Variants in KCNK9 observed in about 807,000 individuals in gnomAD.
KCNK9 encodes potassium channel subfamily K member 9.
Under a neutral mutation model 10.8 loss-of-function variants are expected in KCNK9, and 1 was observed. The observed-to-expected ratio is 0.09, with a 90% CI of 0.03 to 0.44. KCNK9 has a LOEUF of 0.44. Among genes scored for constraint, KCNK9 ranks in the 20% least tolerant of loss-of-function variants. The pLI is 0.97. For synonymous variants in KCNK9, 231 were observed against 222.7 expected, an observed-to-expected ratio of 1.04 and a Z score of -0.33; for missense variants, 303 against 515.0, an observed-to-expected ratio of 0.59 and a Z score of 3.98.
chr8:139,681,536 AC>A (rs752691631), intron 1 of KCNK9, among the ~76,000 whole-genome samples: 2 of 152,168 alleles, frequency 1.3e-5, no homozygotes, highest in Non-Finnish European at 2.9e-5. Flanking sequence ...TTTGAACTTG[AC>A]CCGGCAGACT....
At chr8:139,681,874 A>G (rs1372156484) in intron 1 of KCNK9, among the ~76,000 whole-genome samples, 2 of 152,236 alleles carry the variant, frequency 1.3e-5, no homozygotes, top group African/African-American at 4.8e-5. Context: ...AGTCACAGCC[A>G]TGCCTGGAGC....
At position 139,618,092 on chromosome 8, in the gene KCNK9, G is replaced by A; in HGVS notation, c.*166C>T. The A allele has an allele frequency of 1.1e-6, 1 of 951,504 alleles. No homozygotes were observed. Among genetic ancestry groups the A allele is most frequent in the Non-Finnish European group, 1.6e-6 (1 of 642,682 alleles). 58.9% of individuals were successfully genotyped at this position (951,504 alleles called of 1,614,324 possible). A position where few individuals can be genotyped will look rare whatever the true frequency, so the allele number is the denominator to read the frequency against. On this transcript the variant is annotated 3_prime_UTR_variant, in exon 2 of 2. Coordinates refer to ENST00000520439, the MANE Select transcript of KCNK9 (RefSeq NM_001282534.2). This position sits in a 1 kb window ranked among gnomAD's most constrained non-coding sequence, Gnocchi z 7.9. Reference sequence around the variant, plus strand: ...CCCTTTGGCCTGCTCTGTCTGGCTGGAAAGGTGGGGGAAAATGAGACCAAG... The same window carrying A: ...CCCTTTGGCCTGCTCTGTCTGGCTGAAAAGGTGGGGGAAAATGAGACCAAG...
At chr8:139,600,910 C>T (rs2130066774), downstream of KCNK9, 1 of 152,296 alleles carries the variant, frequency 6.6e-6, no homozygotes, top group Non-Finnish European at 1.5e-5. Flanking sequence ...CTTTGACTCA[C>T]AGGGAGATGT....
Position 139,665,111 on chromosome 8 carries a change from A to T in KCNK9, c.283+37599T>A, listed in dbSNP as rs184820873. Among the ~76,000 whole-genome samples the T allele has an allele frequency of 2.0e-4, 31 of 152,306 alleles. No individual in the cohort carries two copies. The East Asian group carries it at 3.7e-3, about 18-fold the overall frequency. On this transcript the variant is annotated intron_variant, in intron 1 of 1. Coordinates refer to ENST00000520439, the MANE Select transcript of KCNK9 (RefSeq NM_001282534.2). ...CAAATTGCCATGAACTCGGTGGCTTAAAACAACACATTTTCTCTTGCAGTT... is the reference window on the plus strand; with the variant it reads ...CAAATTGCCATGAACTCGGTGGCTTTAAACAACACATTTTCTCTTGCAGTT...
chr8:139,610,678 G>T (rs1272885732), downstream of KCNK9, among the ~76,000 whole-genome samples: 1 of 152,226 alleles, frequency 6.6e-6, no homozygotes, highest in Non-Finnish European at 1.5e-5. Flanking sequence ...GGAGGACCCA[G>T]GAGGGACATC....
rs1814689400 is a variant in KCNK9, at chr8:139,618,960, C to T, written c.423G>A (p.Lys141=). 1 of 1,614,114 alleles carries T rather than the reference C, an allele frequency of 6.2e-7. No homozygotes were observed. Among genetic ancestry groups the T allele is most frequent in the African/African-American group, 1.3e-5 (1 of 74,948 alleles). The change falls in exon 2 of 2, where the codon AAG becomes AAA. Residue 141 remains lysine (K), a synonymous_variant. Transcript: ENST00000520439. The surrounding 1 kb of genome is among the most constrained non-coding windows in gnomAD (Gnocchi z 7.9). The part of the protein sequence containing the change: ...RMNTFVRYLL[K]RIKKCCGMRN... ...GCATGCCACAGCACTTCTTAATGCGCTTCAGCAGGTAGCGCACGAAGGTGT... is the reference window on the plus strand; with the variant it reads ...GCATGCCACAGCACTTCTTAATGCGTTTCAGCAGGTAGCGCACGAAGGTGT...
chr8:139,620,649 ACT>A (rs1814749005), intron 1 of KCNK9, among the ~76,000 whole-genome samples: 1 of 151,452 alleles, frequency 6.6e-6, no homozygotes, highest in Admixed American at 6.6e-5. Context: ...CATGGGCCAA[ACT>A]CTCACTTGAA....
intron 1 of KCNK9, among the ~76,000 whole-genome samples, chr8:139,694,536 G>C (rs1817006587): frequency 6.6e-6 from 1 of 152,184 alleles, no homozygotes; most frequent in South Asian, 2.1e-4. Context: ...CTTCATAAGA[G>C]AGGCCACGGA....
chr8:139,623,213 C>A (rs1814849526), intron 1 of KCNK9, among the ~76,000 whole-genome samples: 1 of 152,170 alleles, frequency 6.6e-6, no homozygotes, highest in Non-Finnish European at 1.5e-5. Flanking sequence ...GAATGAGGTA[C>A]AAATCTAATA....
chr8:139,702,655 G>A lies in KCNK9; in HGVS notation c.283+55C>T. ...CCAGCCCGGCGCGGCGCGCTCAGCC[G>A]CCTCCCCGGACTCCTCCCGGGGCGC... On this transcript the variant is annotated intron_variant, in intron 1 of 1. Coordinates refer to ENST00000520439, the MANE Select transcript of KCNK9 (RefSeq NM_001282534.2). This position sits in a 1 kb window ranked among gnomAD's most constrained non-coding sequence, Gnocchi z 7.5. 2.0e-6 allele frequency: 3 copies of A among 1,523,370 alleles called. No individual in the cohort carries two copies. The highest frequency in any genetic ancestry group is 2.6e-6 in the Non-Finnish European group (3 of 1,133,156). The allele number at this position is 1,523,370 out of a possible 1,614,324, so 94.4% of individuals were successfully genotyped here. A position where few individuals can be genotyped will look rare whatever the true frequency, so the allele number is the denominator to read the frequency against.
chr8:139,656,279 G>A (rs1383080129), intron 1 of KCNK9, among the ~76,000 whole-genome samples: 2 of 152,152 alleles, frequency 1.3e-5, no homozygotes, highest in African/African-American at 2.4e-5. Flanking sequence ...GGAGCAGCCC[G>A]AGCAGAGAGC....
Position 139,631,024 on chromosome 8 carries a change from G to A in KCNK9, c.284-11925C>T, listed in dbSNP as rs10095908. On this transcript the variant is annotated intron_variant, in intron 1 of 1. Transcript: ENST00000520439. ...TGCAAGAGGGGCTCTGCGCAGCGCC[G>A]GCCACCGGAGAGGCAACGGCGCCCT... Among the ~76,000 whole-genome samples, 521 of 152,334 alleles carry A rather than the reference G, an allele frequency of 3.4e-3. 1 individual carries two copies. Among genetic ancestry groups the A allele is most frequent in the African/African-American group, 0.011 (478 of 41,578 alleles).
intron 1 of KCNK9, among the ~76,000 whole-genome samples, chr8:139,633,709 G>T (rs530553910): frequency 2.4e-4 from 37 of 152,310 alleles, no homozygotes; most frequent in Non-Finnish European, 4.3e-4. Context: ...CAGGCTGCGC[G>T]AGGCTCACCA....
At chr8:139,635,358 C>T (rs559998641) in intron 1 of KCNK9, among the ~76,000 whole-genome samples, 171 of 152,362 alleles carry the variant, frequency 1.1e-3, no homozygotes, top group African/African-American at 4.0e-3. Context: ...GCGTTGCTCA[C>T]TGTCCCCTGA....
chr8:139,664,166 G>A (rs557527278), intron 1 of KCNK9, among the ~76,000 whole-genome samples: 1 of 152,344 alleles, frequency 6.6e-6, no homozygotes, highest in East Asian at 1.9e-4. Context: ...GGGCTGTGAT[G>A]TCTGACATTA....
At chr8:139,641,270 C>G (rs1021133139) in intron 1 of KCNK9, among the ~76,000 whole-genome samples, 54 of 152,214 alleles carry the variant, frequency 3.5e-4, no homozygotes, top group African/African-American at 1.2e-3. Flanking sequence ...AGCACCCACT[C>G]TCAGGGTGCC....
intron 1 of KCNK9, among the ~76,000 whole-genome samples, chr8:139,641,044 C>A (rs941296837): frequency 6.6e-6 from 1 of 152,222 alleles, no homozygotes; most frequent in African/African-American, 2.4e-5. Context: ...ACCAGGGAAT[C>A]GCCCTGCCCA....
Position 139,617,300 on chromosome 8 carries a change from G to C in KCNK9, c.*958C>G, listed in dbSNP as rs933530069. On this transcript the variant is annotated 3_prime_UTR_variant, in exon 2 of 2. Coordinates refer to ENST00000520439, the MANE Select transcript of KCNK9 (RefSeq NM_001282534.2). ...ATAAGAGGGAAATAGATACTCTGGG[G>C]TTCCAACAATTTTCCCGTTTCCCCT... Among the ~76,000 whole-genome samples, 3 of 152,148 alleles carry C rather than the reference G, an allele frequency of 2.0e-5. No homozygotes were observed. Among genetic ancestry groups the C allele is most frequent in the East Asian group, 1.9e-4 (1 of 5,192 alleles).
At chr8:139,696,556 C>T (rs1305398112) in intron 1 of KCNK9, among the ~76,000 whole-genome samples, 1 of 152,118 alleles carries the variant, frequency 6.6e-6, no homozygotes, top group Non-Finnish European at 1.5e-5. Context: ...ACAGGGCTCC[C>T]ACCCAGCACA....
Sources: allele counts gnomAD v4.1 joint callset (sites outside exome capture counted in the v4.1 genomes callset), GRCh38; gene constraint gnomAD v4.1.1; non-coding constraint Gnocchi (gnomAD v3.1); transcripts MANE v1.5; gene names NCBI Gene and HGNC (gene_info 2026-07-23, HGNC 2026-07-21).